The following TTC17 variants were observed in gnomAD, a reference collection of about 807,000 sequenced individuals.
The protein encoded by TTC17 is tetratricopeptide repeat domain 17, also known as tetratricopeptide repeat protein 17.
A neutral mutation model predicts 143.8 loss-of-function variants in TTC17; 58 were observed. That is an observed-to-expected ratio of 0.40 (90% confidence interval 0.33 to 0.50). The LOEUF is 0.50. TTC17 is among the 20% of genes least tolerant of loss of function. The pLI is 0.49. For missense variants in TTC17, 1,273 were observed against 1,392.5 expected, an observed-to-expected ratio of 0.91 and a Z score of 1.37; for synonymous variants, 501 against 497.8, an observed-to-expected ratio of 1.01 and a Z score of -0.09.
intron 15 of TTC17, among the ~76,000 whole-genome samples, chr11:43,410,933 C>A: frequency 6.6e-6 from 1 of 152,312 alleles, no homozygotes; most frequent in East Asian, 1.9e-4. Flanking sequence ...TTTATCATTG[C>A]TTCTACTGCT....
intron 21 of TTC17, among the ~76,000 whole-genome samples, chr11:43,484,535 AT>A (rs1343721248): frequency 6.6e-6 from 1 of 152,182 alleles, no homozygotes; most frequent in Non-Finnish European, 1.5e-5. Context: ...CCTCAATTTG[AT>A]TTATAGAGTC....
intron 21 of TTC17, chr11:43,468,131 C>G (rs1048970515): frequency 4.6e-5 from 7 of 152,180 alleles, no homozygotes; most frequent in African/African-American, 1.7e-4. Flanking sequence ...TTTCAAATGT[C>G]CAAGACTGAC....
intron 1 of TTC17, among the ~76,000 whole-genome samples, chr11:43,367,866 A>G (rs1303434644): frequency 6.6e-6 from 1 of 152,148 alleles, no homozygotes; most frequent in Non-Finnish European, 1.5e-5. Flanking sequence ...CAAGATACCC[A>G]GAGCCTATGC....
chr11:43,375,587 C>T (rs1362364791), intron 1 of TTC17, among the ~76,000 whole-genome samples: 1 of 151,636 alleles, frequency 6.6e-6, no homozygotes, highest in Non-Finnish European at 1.5e-5. Flanking sequence ...TTTCCAAGTG[C>T]TATTTGGAGA....
At chr11:43,360,996 A>T (rs1385327199) in intron 1 of TTC17, among the ~76,000 whole-genome samples, 1 of 152,224 alleles carries the variant, frequency 6.6e-6, no homozygotes, top group South Asian at 2.1e-4. Context: ...ACAAGATTTT[A>T]TGCCAGAAGA....
At chr11:43,441,028 G>C (rs956383726) in intron 16 of TTC17, among the ~76,000 whole-genome samples, 2 of 151,694 alleles carry the variant, frequency 1.3e-5, no homozygotes, top group African/African-American at 2.4e-5. Flanking sequence ...CAAGCACTTA[G>C]AGAGCCTGAG....
intron 2 of TTC17, among the ~76,000 whole-genome samples, chr11:43,380,469 G>A (rs1856923199): frequency 6.6e-6 from 1 of 152,002 alleles, no homozygotes; most frequent in South Asian, 2.1e-4. Context: ...TGGCCAGGCT[G>A]GTCTCAAACT....
intron 8 of TTC17, 55 bp downstream of exon 8, chr11:43,398,168 A>G: frequency 6.2e-7 from 1 of 1,602,282 alleles, no homozygotes; most frequent in Non-Finnish European, 8.5e-7. Context: ...CCTTAGGTTA[A>G]ATCTGTGTAG....
chr11:43,391,791 A>G (rs1857399535), intron 4 of TTC17, 30 bp from the exon 5 acceptor site: 1 of 1,604,968 alleles, frequency 6.2e-7, no homozygotes, highest in Non-Finnish European at 8.5e-7. Context: ...ATCCTTTGAT[A>G]TGTCTTTTGA....
chr11:43,387,076 G>A (rs1193819625), intron 2 of TTC17, among the ~76,000 whole-genome samples: 3 of 152,224 alleles, frequency 2.0e-5, no homozygotes, highest in African/African-American at 4.8e-5. Context: ...AAGCCACCAC[G>A]CCAATCCTAC....
chr11:43,483,535 T>TTC (rs1373031447), intron 21 of TTC17, among the ~76,000 whole-genome samples: 1 of 152,106 alleles, frequency 6.6e-6, no homozygotes, highest in Admixed American at 6.5e-5. Flanking sequence ...CTTGACCAAA[T>TTC]TGGGTTTATC....
At chr11:43,441,229 C>T (rs1947412948) in intron 16 of TTC17, among the ~76,000 whole-genome samples, 1 of 151,026 alleles carries the variant, frequency 6.6e-6, no homozygotes, top group Admixed American at 6.6e-5. Context: ...TGAGATCACA[C>T]CACTGCATTG....
At chr11:43,436,950 C>T (rs1220664127) in intron 16 of TTC17, among the ~76,000 whole-genome samples, 1 of 152,124 alleles carries the variant, frequency 6.6e-6, no homozygotes, top group East Asian at 1.9e-4. Flanking sequence ...TTATTCTGCC[C>T]TTTATTTGTT....
intron 1 of TTC17, chr11:43,370,029 G>T (rs749439453): frequency 2.2e-6 from 1 of 451,024 alleles, no homozygotes; most frequent in South Asian, 1.6e-5. Context: ...CTCATACAAT[G>T]AAATGTTTCT....
chr11:43,479,735 A>G (rs1948251342), intron 21 of TTC17, among the ~76,000 whole-genome samples: 1 of 152,232 alleles, frequency 6.6e-6, no homozygotes, highest in Non-Finnish European at 1.5e-5. Flanking sequence ...CTGAAAGAGA[A>G]AAAGGAAACA....
At chr11:43,402,116 A>T (rs1857890955) in intron 10 of TTC17, among the ~76,000 whole-genome samples, 1 of 152,140 alleles carries the variant, frequency 6.6e-6, no homozygotes, top group South Asian at 2.1e-4. Flanking sequence ...AACTCCATGG[A>T]TGCTTTCTAT....
intron 16 of TTC17, among the ~76,000 whole-genome samples, chr11:43,426,543 A>G (rs766212814): frequency 3.3e-5 from 5 of 152,220 alleles, no homozygotes; most frequent in Non-Finnish European, 7.3e-5. Flanking sequence ...AGATCCATCC[A>G]CAAGTCTCTG....
rs573656712 is a variant in TTC17 at position 43,447,875 on chromosome 11, TAAAG to T, written c.2666-125_2666-122del. 3.7e-4 allele frequency: 438 copies of T among 1,175,608 alleles called. 9 individuals carry two copies. In the African/African-American group the frequency reaches 6.3e-3, roughly 17 times the overall value. 72.8% of individuals were successfully genotyped at this position (1,175,608 alleles called of 1,614,324 possible). A position where few individuals can be genotyped will look rare whatever the true frequency, so the allele number is the denominator to read the frequency against. On this transcript the variant is annotated intron_variant, in intron 18 of 23. Coordinates refer to ENST00000039989, the MANE Select transcript of TTC17 (RefSeq NM_018259.6). ...ATTAGATCATAGATGGGGGAAATGT[TAAAG>T]ACTACAGGAATGACTAGCACCTCCA...
At chr11:43,479,523 C>T (rs1590495871) in intron 21 of TTC17, among the ~76,000 whole-genome samples, 1 of 152,148 alleles carries the variant, frequency 6.6e-6, no homozygotes, top group Non-Finnish European at 1.5e-5. Flanking sequence ...AATCAACAGA[C>T]TTAGGAAGTA....
Sources: gnomAD v4.1 joint callset for allele counts (sites outside exome capture counted in the v4.1 genomes callset) on GRCh38, gnomAD v4.1.1 for gene constraint, MANE v1.5 for transcripts, NCBI Gene and HGNC (gene_info 2026-07-23, HGNC 2026-07-21) for gene names.